The following KAZN variants were observed in gnomAD, a reference collection of about 807,000 sequenced individuals.
KAZN encodes kazrin, periplakin interacting protein.
KAZN carries 40 observed loss-of-function variants against 87.4 expected under a neutral mutation model. The observed-to-expected ratio is 0.46, with a 90% CI of 0.36 to 0.60. KAZN has a LOEUF of 0.60. KAZN is among the 20% of genes least tolerant of loss of function. The probability of loss-of-function intolerance (pLI) is 0.00; values close to 1 mark genes in which losing one functional copy is unlikely to be tolerated. For synonymous variants in KAZN, 466 were observed against 458.3 expected, an observed-to-expected ratio of 1.02 and a Z score of -0.22; for missense variants, 898 against 1,073.9, an observed-to-expected ratio of 0.84 and a Z score of 2.29.
intron 2 of KAZN, among the ~76,000 whole-genome samples, chr1:14,354,290 T>C (rs955488356): frequency 5.9e-5 from 9 of 152,174 alleles, no homozygotes; most frequent in African/African-American, 2.2e-4. Context: ...TTAGAGAGGA[T>C]GCAGAAGGAT....
intron 1 of KAZN, among the ~76,000 whole-genome samples, chr1:14,051,443 C>G (rs16853513): frequency 0.05 from 7,588 of 152,154 alleles, 596 homozygotes; most frequent in African/African-American, 0.17. Flanking sequence ...CGCCTGCTCT[C>G]TTAAGGGTAA....
intron 2 of KAZN, among the ~76,000 whole-genome samples, chr1:14,504,934 T>G (rs1670470344): frequency 1.3e-5 from 2 of 152,188 alleles, no homozygotes; most frequent in African/African-American, 4.8e-5. Context: ...AATGGAGACC[T>G]GATTAGAAGG....
chr1:14,100,324 A>G (rs1425663939), intron 1 of KAZN, among the ~76,000 whole-genome samples: 1 of 152,164 alleles, frequency 6.6e-6, no homozygotes, highest in Non-Finnish European at 1.5e-5. Context: ...TCGACCTCAG[A>G]TATGTCCCTG....
At chr1:14,019,240 C>T (rs1640712949) in intron 1 of KAZN, among the ~76,000 whole-genome samples, 1 of 152,138 alleles carries the variant, frequency 6.6e-6, no homozygotes, top group Non-Finnish European at 1.5e-5. Context: ...TATTAACTGC[C>T]ATGTTCCTGG....
At chr1:14,887,232 A>AT (rs908474836) in intron 1 of KAZN, among the ~76,000 whole-genome samples, 9 of 151,992 alleles carry the variant, frequency 5.9e-5, no homozygotes, top group African/African-American at 1.9e-4. Context: ...GTTTCAAAAG[A>AT]TTTTTTTTCC....
At chr1:14,304,422 ATC>A (rs1297211560) in intron 2 of KAZN, among the ~76,000 whole-genome samples, 2 of 152,196 alleles carry the variant, frequency 1.3e-5, no homozygotes, top group African/African-American at 4.8e-5. Flanking sequence ...ATGGCTCTGC[ATC>A]TCTGTGTGCT....
chr1:14,945,714 C>T (rs1661685854), intron 1 of KAZN, among the ~76,000 whole-genome samples: 1 of 152,256 alleles, frequency 6.6e-6, no homozygotes, highest in African/African-American at 2.4e-5. Flanking sequence ...CTTCCTGGAG[C>T]AGCTGCTCAG....
intron 1 of KAZN, among the ~76,000 whole-genome samples, chr1:14,710,158 T>C (rs1471537574): frequency 6.6e-6 from 1 of 152,180 alleles, no homozygotes. Flanking sequence ...GATGAATGCC[T>C]GATTTACAAC....
At chr1:14,355,349 A>G (rs1389428089) in intron 2 of KAZN, among the ~76,000 whole-genome samples, 1 of 152,174 alleles carries the variant, frequency 6.6e-6, no homozygotes, top group Non-Finnish European at 1.5e-5. Flanking sequence ...GTAATCACAC[A>G]AATAAATACA....
chr1:14,340,568 C>T (rs1327981576), intron 2 of KAZN, among the ~76,000 whole-genome samples: 3 of 152,190 alleles, frequency 2.0e-5, no homozygotes, highest in Non-Finnish European at 4.4e-5. Flanking sequence ...GTTTCAGTGC[C>T]AAGCTATGCA....
At chr1:14,220,155 A>G (rs974393715) in intron 2 of KAZN, among the ~76,000 whole-genome samples, 2 of 151,968 alleles carry the variant, frequency 1.3e-5, no homozygotes, top group African/African-American at 2.4e-5. Flanking sequence ...CTGCCTTGGC[A>G]TTACCTGAAG....
rs751157953 is a variant in KAZN at position 13,893,648 on chromosome 1, A to G, written c.-18A>G. 1.1e-4 allele frequency: 170 copies of G among 1,550,158 alleles called. 2 individuals are homozygous for G. The highest frequency in any genetic ancestry group is 3.4e-4 in the Middle Eastern group (2 of 5,812). ...TGGACGCTGCCACATGACCAACACC[A>G]AAGACCCCAAAAGAGCCATGGAATC... On this transcript the variant is annotated 5_prime_UTR_variant, in exon 1 of 17. Coordinates refer to the KAZN transcript ENST00000636203.
intron 2 of KAZN, 132 bp from the exon 3 acceptor site, chr1:15,034,617 G>A: frequency 9.1e-7 from 1 of 1,104,310 alleles, no homozygotes; most frequent in East Asian, 2.6e-5. Context: ...ACATGGAAGG[G>A]ACATTTCGTC....
At chr1:14,412,299 CT>C (rs1476301703) in intron 2 of KAZN, among the ~76,000 whole-genome samples, 1 of 152,122 alleles carries the variant, frequency 6.6e-6, no homozygotes, top group African/African-American at 2.4e-5. Context: ...ATGCTCTATG[CT>C]TTTATAAGAA....
intron 1 of KAZN, among the ~76,000 whole-genome samples, chr1:14,887,674 T>TTG (rs1415313331): frequency 6.6e-6 from 1 of 151,648 alleles, no homozygotes; most frequent in Admixed American, 6.6e-5. Context: ...TAGTTTTTTT[T>TTG]TTTTTTTTGC....
At chr1:14,108,402 T>C (rs1004418558) in intron 1 of KAZN, among the ~76,000 whole-genome samples, 3 of 152,160 alleles carry the variant, frequency 2.0e-5, no homozygotes, top group African/African-American at 7.2e-5. Flanking sequence ...CCTGCTCTAA[T>C]TGTGTCCAGT....
chr1:13,988,936 C>A (rs1639150929), intron 1 of KAZN, among the ~76,000 whole-genome samples: 1 of 152,114 alleles, frequency 6.6e-6, no homozygotes, highest in South Asian at 2.1e-4. Flanking sequence ...TTTTGTGCTG[C>A]TATACAGAAA....
chr1:14,546,954 A>C (rs765692059), intron 2 of KAZN, among the ~76,000 whole-genome samples: 10 of 152,172 alleles, frequency 6.6e-5, no homozygotes, highest in Admixed American at 1.3e-4. Flanking sequence ...CTTCCTGTGC[A>C]CCTGGGAAAA....
intron 4 of KAZN, among the ~76,000 whole-genome samples, chr1:15,053,623 A>G (rs745685771): frequency 2.4e-4 from 37 of 152,218 alleles, no homozygotes; most frequent in Admixed American, 6.5e-4. Flanking sequence ...GGGAAACCAC[A>G]CTGTGCTCCC....
Sources: allele counts gnomAD v4.1 joint callset (sites outside exome capture counted in the v4.1 genomes callset), GRCh38; gene constraint gnomAD v4.1.1; transcripts MANE v1.5; gene names NCBI Gene and HGNC (gene_info 2026-07-23, HGNC 2026-07-21).